Variants in AP1M2 observed in about 807,000 individuals in gnomAD.
AP1M2 encodes the protein adaptor related protein complex 1 subunit mu 2.
AP1M2 carries 41 observed loss-of-function variants against 54.6 expected under a neutral mutation model. The observed-to-expected ratio is 0.75, with a 90% CI of 0.59 to 0.97. The LOEUF is 0.97. AP1M2 is among the 50% of genes least tolerant of loss of function. AP1M2 has a pLI of 0.00. For synonymous variants in AP1M2, 219 were observed against 215.9 expected (o/e 1.01, Z -0.13); for missense variants, 507 against 561.2 (o/e 0.90, Z 0.98).
rs1599545696 is a variant in AP1M2, at chr19:10,574,432, T to C, written c.1234A>G (p.Ile412Val). 6.4e-7 allele frequency: 1 copy of C among 1,558,972 alleles called. No homozygotes were observed. Among genetic ancestry groups the C allele is most frequent in the East Asian group, 2.4e-5 (1 of 41,866 alleles). The change falls in exon 11 of 12, where the codon ATC (isoleucine) becomes GTC (valine). Residue 412 changes from isoleucine to valine, a missense_variant. By Grantham distance (29) the Ile-to-Val change is conservative. Coordinates refer to ENST00000250244, the MANE Select transcript of AP1M2 (RefSeq NM_005498.5). ...GYQALPWVRY[I>V]TQSGDYQLRT... ...GCTGCCTTACCGCCACTCTGGGTGA[T>C]GTAGCGAACCCAGGGCAGGGCCTGG...
intron 3 of AP1M2, 53 bp downstream of exon 3, chr19:10,583,553 G>A: frequency 7.3e-7 from 1 of 1,374,624 alleles, no homozygotes. Context: ...GAAAGAGGCG[G>A]GCAAGAGGGA....
In AP1M2 at chr19:10,585,302, A is replaced by AAG. The variant is rs1491400886; in HGVS notation, c.43-1233_43-1232insCT. 3.2e-3 allele frequency among the ~76,000 whole-genome samples: 212 copies of AAG among 65,908 alleles called. 2 individuals carry two copies. The highest frequency in any genetic ancestry group is 7.7e-3 in the Non-Finnish European group (170 of 22,174). The allele number at this position is 65,908 out of a possible 152,430, so 43.2% of individuals were successfully genotyped here. ...AAGAAAAAAAGAAAGAAAGAAAGAA[A>AAG]GAAAGAAAGAAAGAAAGAAAGAAAG... On this transcript the variant is annotated intron_variant, in intron 1 of 11. Coordinates refer to ENST00000250244, the MANE Select transcript of AP1M2 (RefSeq NM_005498.5).
intron 11 of AP1M2, 134 bp downstream of exon 11, chr19:10,574,283 G>A: frequency 1.4e-6 from 1 of 718,474 alleles, no homozygotes; most frequent in East Asian, 3.1e-5. Flanking sequence ...GCCTCCCAAA[G>A]TGCTAGGATT....
chr19:10,580,265 G>A (rs1361331140), intron 6 of AP1M2, among the ~76,000 whole-genome samples: 1 of 151,858 alleles, frequency 6.6e-6, no homozygotes, highest in African/African-American at 2.4e-5. Context: ...TGGTCAGGCT[G>A]GTCTCAAATT....
rs369613061 is a variant in AP1M2, at chr19:10,581,558, A to T, written c.475T>A (p.Trp159Arg). 7 of 1,613,742 alleles carry T rather than the reference A, an allele frequency of 4.3e-6. No homozygotes were observed. The highest frequency in any genetic ancestry group is 5.9e-6 in the Non-Finnish European group (7 of 1,179,848). ...TTATACTTGATACCCTCGGAGCGCC[A>T]GGACACAGCGTTGGTGACAGTGGGT... Reference protein sequence around the residue: ...VPPTVTNAVSWRSEGIKYKKN... With the variant: ...VPPTVTNAVSRRSEGIKYKKN... The change falls in exon 5 of 12, where the codon TGG (tryptophan) becomes AGG (arginine). Residue 159 changes from tryptophan to arginine, a missense_variant. By Grantham distance (101) the Trp-to-Arg change is moderately radical. Coordinates refer to ENST00000250244, the MANE Select transcript of AP1M2 (RefSeq NM_005498.5).
Position 10,585,286 on chromosome 19 carries a change from A to AGAAAGAAAGAAAGAAAGAAGGAAGGAAG in AP1M2, c.43-1217_43-1216insCTTCCTTCCTTCTTTCTTTCTTTCTTTC, listed in dbSNP as rs1568434720. On this transcript the variant is annotated intron_variant, in intron 1 of 11. Transcript: ENST00000250244. ...AAGGAAAGAAAGAAAGAAGAAAAAA[A>AGAAAGAAAGAAAGAAAGAAGGAAGGAAG]GAAAGAAAGAAAGAAAGAAAGAAAG... Among the ~76,000 whole-genome samples, 12 of 58,138 alleles carry AGAAAGAAAGAAAGAAAGAAGGAAGGAAG rather than the reference A, an allele frequency of 2.1e-4. 1 individual carries two copies. In the South Asian group the frequency reaches 2.5e-3, roughly 12 times the overall value. 38.1% of individuals were successfully genotyped at this position (58,138 alleles called of 152,430 possible).
chr19:10,582,734 T>G (rs1237144428), intron 3 of AP1M2, among the ~76,000 whole-genome samples: 1 of 151,410 alleles, frequency 6.6e-6, no homozygotes, highest in African/African-American at 2.4e-5. Context: ...GGCAACAAAG[T>G]GAGACCCTGT....
intron 10 of AP1M2, 88 bp from the exon 11 acceptor site, chr19:10,574,580 T>C (rs770830176): frequency 7.6e-6 from 9 of 1,176,528 alleles, no homozygotes; most frequent in Non-Finnish European, 1.1e-5. Flanking sequence ...GCCAAGCGGC[T>C]ATGTGGCACA....
At chr19:10,579,012 C>CTTATT in intron 7 of AP1M2, 49 bp from the exon 8 acceptor site, 1 of 930,734 alleles carries the variant, frequency 1.1e-6, no homozygotes, top group Non-Finnish European at 1.6e-6. Flanking sequence ...TGTTGACTCT[C>CTTATT]TTCTTTTTTT....
chr19:10,573,043 C>A lies in AP1M2; in HGVS notation c.*23G>T, dbSNP rs371895115. On this transcript the variant is annotated 3_prime_UTR_variant, in exon 12 of 12. Transcript: ENST00000250244. ...CGGGGCTGTAAGGAAGCCCCGTGTT[C>A]AAGCCCCCATCTCTTCTCCCTTCTA... 2.6e-5 allele frequency: 40 copies of A among 1,560,084 alleles called. No homozygotes were observed. The highest frequency in any genetic ancestry group is 3.5e-5 in the Non-Finnish European group (40 of 1,151,706).
intron 11 of AP1M2, 58 bp downstream of exon 11, chr19:10,574,343 TGTGGTGAAAGCCTCGA>T: frequency 8.1e-7 from 1 of 1,234,236 alleles, no homozygotes; most frequent in African/African-American, 1.5e-5. Context: ...TGAGCCAGAA[TGTGGTGAAAGCCTCGA>T]GTCCCTACCC....
chr19:10,586,066 G>A (rs531006044), intron 1 of AP1M2, among the ~76,000 whole-genome samples: 1 of 152,160 alleles, frequency 6.6e-6, no homozygotes, highest in East Asian at 1.9e-4. Flanking sequence ...GGCGGATCAC[G>A]AGGTCAAGAG....
Position 10,572,759 on chromosome 19 carries a change from A to G in AP1M2, c.*307T>C. 1 of 318,618 alleles carries G rather than the reference A, an allele frequency of 3.1e-6. No individual in the cohort carries two copies. The highest frequency in any genetic ancestry group is 5.6e-5 in the South Asian group (1 of 17,842). The allele number at this position is 318,618 out of a possible 1,614,324, so 19.7% of individuals were successfully genotyped here. ...AGCGGCTGTGAAGGAGGGACCCGCA[A>G]CACCCGCTAAGGCAGGTAATTGCAA... On this transcript the variant is annotated 3_prime_UTR_variant, in exon 12 of 12. Coordinates refer to ENST00000250244, the MANE Select transcript of AP1M2 (RefSeq NM_005498.5).
At chr19:10,576,240 C>T (rs190541366) in intron 9 of AP1M2, among the ~76,000 whole-genome samples, 493 of 145,938 alleles carry the variant, frequency 3.4e-3, no homozygotes, top group Non-Finnish European at 3.9e-3. Context: ...TACAGGCGCA[C>T]ACCCCCATGC....
rs71162097 is a variant in AP1M2, at chr19:10,575,769, CTTTTTTTTT to C, written c.1048-749_1048-741del. On this transcript the variant is annotated intron_variant, in intron 9 of 11. Coordinates refer to ENST00000250244, the MANE Select transcript of AP1M2 (RefSeq NM_005498.5). Reference sequence around the variant, plus strand: ...TTTTTCTTTTTTTTTCTTTTTTTTTCTTTTTTTTTTTTTTTGAGATGGAGTCTTACTCTG... The same window carrying C: ...TTTTTCTTTTTTTTTCTTTTTTTTTCTTTTTTGAGATGGAGTCTTACTCTG... 1.2e-4 allele frequency among the ~76,000 whole-genome samples: 11 copies of C among 93,582 alleles called. No individual in the cohort carries two copies. The South Asian group carries it at 1.9e-3, about 16-fold the overall frequency. The allele number at this position is 93,582 out of a possible 152,430, so 61.4% of individuals were successfully genotyped here. A position where few individuals can be genotyped will look rare whatever the true frequency, so the allele number is the denominator to read the frequency against.
intron 3 of AP1M2, 34 bp from the exon 4 acceptor site, chr19:10,581,912 T>C (rs1416461165): frequency 1.9e-6 from 3 of 1,547,936 alleles, no homozygotes; most frequent in Non-Finnish European, 2.6e-6. Context: ...CCCACAAAAG[T>C]GTGGCTATGG....
In AP1M2 at chr19:10,587,277, G is replaced by C. The variant is rs748288808; in HGVS notation, c.-46C>G. On this transcript the variant is annotated 5_prime_UTR_variant, in exon 1 of 12. Coordinates refer to ENST00000250244, the MANE Select transcript of AP1M2 (RefSeq NM_005498.5). ...GGAGTCGGGGAGGGAGCGCCGGGAG[G>C]CGATGGCGGCGCCGCTTCCTTCTTC... 4.1e-5 allele frequency: 64 copies of C among 1,552,264 alleles called. No homozygotes were observed. The highest frequency in any genetic ancestry group is 5.9e-5 in the Admixed American group (3 of 51,128).
Position 10,581,265 on chromosome 19 carries a change from C to A in AP1M2, c.673+1G>T, listed in dbSNP as rs775054210. On this transcript the variant is annotated splice_donor_variant, in intron 6 of 11. Transcript: ENST00000250244. LOFTEE classifies it high-confidence loss of function. ...AGAAGAAAGGTCCCCTAAATGCTTA[C>A]GGCCAGTGAGCTCGAAGAGCACGCG... 1.2e-6 allele frequency: 2 copies of A among 1,612,152 alleles called. No individual in the cohort carries two copies. Among genetic ancestry groups the A allele is most frequent in the Admixed American group, 1.7e-5 (1 of 59,748 alleles).
Position 10,583,687 on chromosome 19 carries a change from G to A in AP1M2, c.200-14C>T, listed in dbSNP as rs371374123. 10 of 1,611,802 alleles carry A rather than the reference G, an allele frequency of 6.2e-6. No individual in the cohort carries two copies. In the African/African-American group the frequency reaches 1.1e-4, roughly 17 times the overall value. On this transcript the variant is annotated splice_polypyrimidine_tract_variant and intron_variant, in intron 2 of 11. Transcript: ENST00000250244. ...TGGTGGCCACCACTGGGGCAGCAAG[G>A]TTAAGGAAAAGGTGCCATTTATGGA...
Sources: gnomAD v4.1 joint callset for allele counts (sites outside exome capture counted in the v4.1 genomes callset) on GRCh38, gnomAD v4.1.1 for gene constraint, MANE v1.5 for transcripts, NCBI Gene and HGNC (gene_info 2026-07-23, HGNC 2026-07-21) for gene names.